NECTIN1: variants seen among roughly 807,000 people sequenced by gnomAD.
The protein encoded by NECTIN1 is nectin-1.
Under a neutral mutation model 48.0 loss-of-function variants are expected in NECTIN1, and 23 were observed. The observed-to-expected ratio is 0.48, with a 90% CI of 0.34 to 0.68. NECTIN1 has a LOEUF of 0.68. Among genes scored for constraint, NECTIN1 ranks in the 30% least tolerant of loss-of-function variants. The probability of loss-of-function intolerance (pLI) is 0.01; values close to 1 mark genes in which losing one functional copy is unlikely to be tolerated. For missense variants in NECTIN1, 591 were observed against 709.9 expected, an observed-to-expected ratio of 0.83 and a Z score of 1.90; for synonymous variants, 270 against 288.9, an observed-to-expected ratio of 0.93 and a Z score of 0.66.
intron 5 of NECTIN1, among the ~76,000 whole-genome samples, chr11:119,655,923 G>A (rs1412245200): frequency 6.6e-6 from 1 of 152,124 alleles, no homozygotes; most frequent in Non-Finnish European, 1.5e-5. Flanking sequence ...TAAGACACAA[G>A]ATCTCACTCT....
Position 119,665,030 on chromosome 11 carries a change from T to A in NECTIN1, c.1271A>T (p.Asp424Val). The A allele has an allele frequency of 6.2e-7, 1 of 1,613,830 alleles. No individual in the cohort carries two copies. Among genetic ancestry groups the A allele is most frequent in the South Asian group, 1.1e-5 (1 of 91,090 alleles). The change falls in exon 6 of 6, where the codon GAC becomes GTC. Residue 424 changes from aspartate to valine, a missense_variant. By Grantham distance (152) the Asp-to-Val change is radical. Transcript: ENST00000264025. This position sits in a 1 kb window ranked among gnomAD's most constrained non-coding sequence, Gnocchi z 5.1. The part of the protein sequence containing the change: ...QNLQYPDDSD[D>V]EKKAGPLGGS... ...ACCCAGTGGGCCGGCCTTCTTCTCG[T>A]CGTCTGAGTCGTCGGGGTACTGCAG... is the stretch of plus-strand genomic sequence containing the variant.
chr11:119,704,751 C>T (rs1650406400), intron 1 of NECTIN1, among the ~76,000 whole-genome samples: 2 of 152,118 alleles, frequency 1.3e-5, no homozygotes, highest in Admixed American at 1.3e-4. Flanking sequence ...TGCCCCACTC[C>T]ACCCCGGGAG....
At chr11:119,675,387 C>T in intron 4 of NECTIN1, 77 bp from the exon 5 acceptor site, 1 of 1,524,618 alleles carries the variant, frequency 6.6e-7, no homozygotes, top group Non-Finnish European at 9.1e-7. Flanking sequence ...ACCCACTTGG[C>T]TCCAGGCCCC....
chr11:119,658,639 TCCAGG>T (rs1864613893), downstream of NECTIN1, among the ~76,000 whole-genome samples: 3 of 152,292 alleles, frequency 2.0e-5, no homozygotes, highest in South Asian at 6.2e-4. Flanking sequence ...TAGCACCTTT[TCCAGG>T]AAGTCTTCCC....
Position 119,721,085 on chromosome 11 carries a change from A to T in NECTIN1, c.79+7390T>A, listed in dbSNP as rs528625304. On this transcript the variant is annotated intron_variant, in intron 1 of 5. Coordinates refer to ENST00000264025, the MANE Select transcript of NECTIN1 (RefSeq NM_002855.5). ...GACTCCAGAGTCCATCTCTGGTGCTAGGGCGTATATCTCAGAGCACATCCA... is the reference window on the plus strand; with the variant it reads ...GACTCCAGAGTCCATCTCTGGTGCTTGGGCGTATATCTCAGAGCACATCCA... Among the ~76,000 whole-genome samples, 10 of 152,302 alleles carry T rather than the reference A, an allele frequency of 6.6e-5. 1 individual carries two copies. In the South Asian group the frequency reaches 2.1e-3, roughly 32 times the overall value.
At chr11:119,650,991 A>T (rs1383843074) in intron 5 of NECTIN1, among the ~76,000 whole-genome samples, 1 of 152,142 alleles carries the variant, frequency 6.6e-6, no homozygotes, top group Non-Finnish European at 1.5e-5. Flanking sequence ...GTTGGGGAGA[A>T]TGATCTTTGA....
intron 1 of NECTIN1, among the ~76,000 whole-genome samples, chr11:119,699,147 A>G (rs1308332547): frequency 6.6e-6 from 1 of 152,168 alleles, no homozygotes; most frequent in Non-Finnish European, 1.5e-5. Context: ...TGCAGAGGAT[A>G]AGGGGAAGTG....
In NECTIN1 at chr11:119,725,498, G is replaced by A. The variant is rs146150067; in HGVS notation, c.79+2977C>T. 3.2e-3 allele frequency among the ~76,000 whole-genome samples: 489 copies of A among 152,302 alleles called. 5 individuals carry two copies. The highest frequency in any genetic ancestry group is 0.011 in the African/African-American group (466 of 41,570). ...GAATCCAATTCCAAGGCACTCCACA[G>A]TGCTGCCTTATAAATGGGTAAGGAG... On this transcript the variant is annotated intron_variant, in intron 1 of 5. Coordinates refer to ENST00000264025, the MANE Select transcript of NECTIN1 (RefSeq NM_002855.5).
chr11:119,715,815 C>T (rs1431071234), intron 1 of NECTIN1, among the ~76,000 whole-genome samples: 1 of 152,154 alleles, frequency 6.6e-6, no homozygotes, highest in East Asian at 1.9e-4. Context: ...GGCCTCAACC[C>T]GACTAGCATT....
At position 119,672,510 on chromosome 11, in the gene NECTIN1, C is replaced by T. The variant is rs554721409; in HGVS notation, c.1003+2649G>A. Among the ~76,000 whole-genome samples, 119 of 152,288 alleles carry T rather than the reference C, an allele frequency of 7.8e-4. No individual in the cohort carries two copies. In the Middle Eastern group the frequency reaches 0.01, roughly 13 times the overall value. Reference sequence around the variant, plus strand: ...ACAGATTCTGTCCGGTCCATCTCCTCGGTGCCCCCATCGCCACAGCCACAG... The same window carrying T: ...ACAGATTCTGTCCGGTCCATCTCCTTGGTGCCCCCATCGCCACAGCCACAG... On this transcript the variant is annotated intron_variant, in intron 5 of 5. Coordinates refer to ENST00000264025, the MANE Select transcript of NECTIN1 (RefSeq NM_002855.5). This position sits in a 1 kb window ranked among gnomAD's most constrained non-coding sequence, Gnocchi z 4.3.
Position 119,664,577 on chromosome 11 carries a change from C to A in NECTIN1, c.*170G>T. 7.0e-7 allele frequency: 1 copy of A among 1,435,740 alleles called. No individual in the cohort carries two copies. The highest frequency in any genetic ancestry group is 1.5e-5 in the South Asian group (1 of 66,086). 88.9% of individuals were successfully genotyped at this position (1,435,740 alleles called of 1,614,324 possible). A position where few individuals can be genotyped will look rare whatever the true frequency, so the allele number is the denominator to read the frequency against. On this transcript the variant is annotated 3_prime_UTR_variant, in exon 6 of 6. Transcript: ENST00000264025. ...AGAGGGAGGAAATAAAACACAAAGC[C>A]AAGTCGTGGCTGCCCTGGGCTCCCC...
chr11:119,713,688 T>G (rs1865698029), intron 1 of NECTIN1: 1 of 361,112 alleles, frequency 2.8e-6, no homozygotes, highest in Non-Finnish European at 5.5e-6. Flanking sequence ...TGAAACTTAT[T>G]TGGGGCAGGA....
chr11:119,714,804 G>A (rs1004339449), intron 1 of NECTIN1, among the ~76,000 whole-genome samples: 2 of 152,136 alleles, frequency 1.3e-5, no homozygotes, highest in Non-Finnish European at 2.9e-5. Context: ...AGCTTGGAGG[G>A]CCCACCCACA....
At chr11:119,667,355 T>A (rs913834373) in intron 5 of NECTIN1, among the ~76,000 whole-genome samples, 1 of 151,978 alleles carries the variant, frequency 6.6e-6, no homozygotes, top group Non-Finnish European at 1.5e-5. Flanking sequence ...TCTTCATCCA[T>A]CCCTCCCATC....
intron 1 of NECTIN1, among the ~76,000 whole-genome samples, chr11:119,679,474 C>T (rs1865022568): frequency 6.6e-6 from 1 of 152,152 alleles, no homozygotes; most frequent in African/African-American, 2.4e-5. Flanking sequence ...GTGGGCACTG[C>T]ATAAGGCCAG....
chr11:119,696,804 A>C (rs1374729061), intron 1 of NECTIN1, among the ~76,000 whole-genome samples: 2 of 152,312 alleles, frequency 1.3e-5, no homozygotes, highest in African/African-American at 4.8e-5. Context: ...CCCGGAAAGC[A>C]GGACTGCAGG....
chr11:119,700,642 C>T (rs988326734), intron 1 of NECTIN1, among the ~76,000 whole-genome samples: 4 of 152,196 alleles, frequency 2.6e-5, no homozygotes, highest in African/African-American at 9.7e-5. Flanking sequence ...GGTCCTGTAG[C>T]TCAGCGGAAA....
chr11:119,691,538 G>A (rs943907406), intron 1 of NECTIN1, among the ~76,000 whole-genome samples: 6 of 152,234 alleles, frequency 3.9e-5, no homozygotes, highest in African/African-American at 1.4e-4. Context: ...CTCTTGCCCC[G>A]CTACAGCAGG....
Position 119,677,679 on chromosome 11 carries a change from G to A in NECTIN1, c.609C>T (p.Gly203=), listed in dbSNP as rs1452316880. 6.2e-7 allele frequency: 1 copy of A among 1,614,150 alleles called. No individual in the cohort carries two copies. Among genetic ancestry groups the A allele is most frequent in the Non-Finnish European group, 8.5e-7 (1 of 1,180,034 alleles). ...AEYQEIRNPN[G]TVTVISRYRL... ...GGTAGCGGCTGATGACCGTCACTGT[G>A]CCATTGGGGTTCCGGATCTCCTGGT... Residue 203 remains glycine, a synonymous_variant, in exon 3 of 6, where the codon GGC becomes GGT. Transcript: ENST00000264025. This position sits in a 1 kb window ranked among gnomAD's most constrained non-coding sequence, Gnocchi z 5.4.
Sources: allele counts gnomAD v4.1 joint callset (sites outside exome capture counted in the v4.1 genomes callset), GRCh38; gene constraint gnomAD v4.1.1; non-coding constraint Gnocchi (gnomAD v3.1); transcripts MANE v1.5; gene names NCBI Gene and HGNC (gene_info 2026-07-23, HGNC 2026-07-21).